Variants in SLCO5A1 observed in about 807,000 individuals in gnomAD.
SLCO5A1 encodes solute carrier organic anion transporter family member 5A1.
A neutral mutation model predicts 65.1 loss-of-function variants in SLCO5A1; 39 were observed. That is an observed-to-expected ratio of 0.60 (90% CI 0.46 to 0.78). The LOEUF (loss-of-function observed/expected upper bound fraction) is 0.78. Ranked by LOEUF, SLCO5A1 falls within the 30% of genes least tolerant of loss-of-function variation. The pLI, the probability that SLCO5A1 is intolerant of heterozygous loss-of-function variation, is 0.00. For synonymous variants in SLCO5A1, 438 were observed against 415.7 expected, an observed-to-expected ratio of 1.05 and a Z score of -0.65; for missense variants, 1,029 against 1,069.4, an observed-to-expected ratio of 0.96 and a Z score of 0.53.
intron 6 of SLCO5A1, among the ~76,000 whole-genome samples, chr8:69,699,363 C>T (rs1586698135): frequency 6.6e-6 from 1 of 152,300 alleles, no homozygotes; most frequent in East Asian, 1.9e-4. Flanking sequence ...AGGATGCCAG[C>T]AGCAAGGCTT....
intron 5 of SLCO5A1, among the ~76,000 whole-genome samples, chr8:69,727,692 G>T (rs1280891591): frequency 6.6e-6 from 1 of 152,220 alleles, no homozygotes; most frequent in East Asian, 1.9e-4. Flanking sequence ...CTGAAGGAAA[G>T]ATGTCAATTT....
intron 4 of SLCO5A1, among the ~76,000 whole-genome samples, 181 bp from the exon 5 acceptor site, chr8:69,738,385 T>A (rs1041693348): frequency 8.5e-6 from 1 of 117,576 alleles, no homozygotes; most frequent in African/African-American, 3.8e-5. Flanking sequence ...TTTTCTTTTG[T>A]TTTTTTTTTT....
At chr8:69,792,277 CA>C (rs1819305594) in intron 2 of SLCO5A1, among the ~76,000 whole-genome samples, 1 of 151,970 alleles carries the variant, frequency 6.6e-6, no homozygotes, top group African/African-American at 2.4e-5. Context: ...ACATTTCAGA[CA>C]AGTGTATATT....
At chr8:69,777,989 C>CTTATT (rs1818630863) in intron 2 of SLCO5A1, among the ~76,000 whole-genome samples, 1 of 152,166 alleles carries the variant, frequency 6.6e-6, no homozygotes, top group Non-Finnish European at 1.5e-5. Context: ...GAGAGAGAGA[C>CTTATT]CACATTCACA....
intron 4 of SLCO5A1, among the ~76,000 whole-genome samples, chr8:69,739,976 A>T (rs1816727151): frequency 6.6e-6 from 1 of 152,236 alleles, no homozygotes; most frequent in African/African-American, 2.4e-5. Flanking sequence ...TTAACATAAG[A>T]AAGTAACATA....
At chr8:69,745,805 G>A (rs1816986171) in intron 4 of SLCO5A1, among the ~76,000 whole-genome samples, 1 of 152,044 alleles carries the variant, frequency 6.6e-6, no homozygotes, top group African/African-American at 2.4e-5. Flanking sequence ...CAGTCACGAT[G>A]TTGTGCAACC....
intron 2 of SLCO5A1, among the ~76,000 whole-genome samples, chr8:69,813,500 G>A (rs184019545): frequency 6.6e-6 from 1 of 152,216 alleles, no homozygotes; most frequent in East Asian, 1.9e-4. Flanking sequence ...AGTTTAACGA[G>A]CAGTCATAAT....
chr8:69,793,451 T>A (rs1048922657), intron 2 of SLCO5A1, among the ~76,000 whole-genome samples: 1 of 152,034 alleles, frequency 6.6e-6, no homozygotes, highest in Non-Finnish European at 1.5e-5. Context: ...GTCTTTTTTT[T>A]CCTATGTCAA....
At chr8:69,825,370 T>C (rs1468871242) in intron 2 of SLCO5A1, among the ~76,000 whole-genome samples, 1 of 152,048 alleles carries the variant, frequency 6.6e-6, no homozygotes, top group Non-Finnish European at 1.5e-5. Flanking sequence ...GATTGTATAT[T>C]TAGAAAACCC....
chr8:69,791,537 T>C (rs1203279544), intron 2 of SLCO5A1, among the ~76,000 whole-genome samples: 1 of 152,214 alleles, frequency 6.6e-6, no homozygotes, highest in Non-Finnish European at 1.5e-5. Context: ...TTTAAAAATA[T>C]CTGAGATGTA....
Position 69,832,443 on chromosome 8 carries a change from G to A in SLCO5A1, c.231C>T (p.Asn77=). The change falls in exon 2 of 10, where the codon AAC becomes AAT. Residue 77 remains asparagine, a synonymous_variant. Transcript: ENST00000260126. This position sits in a 1 kb window ranked among gnomAD's most constrained non-coding sequence, Gnocchi z 4.5. ...GGGCAGAGGGACTGGGGGCCAACGG[G>A]TTCGGGCCTTGCTTCAACTCCTGGT... ...SGHQELKQGP[N]PLAPSPSAPS... 4 of 1,613,144 alleles carry A rather than the reference G, an allele frequency of 2.5e-6. No individual in the cohort carries two copies. The highest frequency in any genetic ancestry group is 3.4e-6 in the Non-Finnish European group (4 of 1,179,640).
intron 2 of SLCO5A1, among the ~76,000 whole-genome samples, chr8:69,814,186 C>A (rs577327861): frequency 6.6e-6 from 1 of 152,044 alleles, no homozygotes; most frequent in Non-Finnish European, 1.5e-5. Flanking sequence ...TAAAAGTAGA[C>A]AAATGGGATT....
intron 7 of SLCO5A1, among the ~76,000 whole-genome samples, chr8:69,681,822 A>G (rs1465479585): frequency 6.6e-6 from 1 of 152,014 alleles, no homozygotes; most frequent in African/African-American, 2.4e-5. Context: ...ATACTTTTTT[A>G]TCAGCACCAA....
chr8:69,772,467 G>C (rs1185967607), intron 2 of SLCO5A1, among the ~76,000 whole-genome samples: 1 of 151,592 alleles, frequency 6.6e-6, no homozygotes. Flanking sequence ...TGGGGGTTGA[G>C]GCTGCAGTGA....
At chr8:69,676,560 C>T (rs895900546) in intron 9 of SLCO5A1, 49 bp downstream of exon 9, 1 of 1,528,932 alleles carries the variant, frequency 6.5e-7, no homozygotes. Flanking sequence ...GAAAATTTGC[C>T]ATCTGCAAAG....
chr8:69,756,498 C>A (rs1231329299), intron 3 of SLCO5A1, among the ~76,000 whole-genome samples: 2 of 152,178 alleles, frequency 1.3e-5, no homozygotes, highest in Non-Finnish European at 2.9e-5. Context: ...GACATTTAAA[C>A]TTAGTCCTTG....
chr8:69,674,409 G>A (rs1300848473), intron 9 of SLCO5A1, among the ~76,000 whole-genome samples: 3 of 152,144 alleles, frequency 2.0e-5, no homozygotes, highest in African/African-American at 7.2e-5. Flanking sequence ...GAAGCTGTGA[G>A]TGATACGTTT....
intron 2 of SLCO5A1, among the ~76,000 whole-genome samples, chr8:69,827,075 C>T (rs191738822): frequency 2.0e-5 from 3 of 147,014 alleles, no homozygotes; most frequent in Admixed American, 7.1e-5. Flanking sequence ...CATATTCTCA[C>T]CCATAGGTGG....
chr8:69,773,465 C>A (rs1048905990), intron 2 of SLCO5A1, among the ~76,000 whole-genome samples: 2 of 152,174 alleles, frequency 1.3e-5, no homozygotes, highest in Non-Finnish European at 2.9e-5. Flanking sequence ...TGCTTTTGCA[C>A]CAGTCATTGG....
Sources: allele counts gnomAD v4.1 joint callset (sites outside exome capture counted in the v4.1 genomes callset), GRCh38; gene constraint gnomAD v4.1.1; non-coding constraint Gnocchi (gnomAD v3.1); transcripts MANE v1.5; gene names NCBI Gene and HGNC (gene_info 2026-07-23, HGNC 2026-07-21).